GAB2: variants seen among roughly 807,000 people sequenced by gnomAD.
GAB2 encodes the protein GRB2-associated-binding protein 2.
In GAB2, 26 loss-of-function variants were observed where a neutral mutation model predicts 65.5. The observed-to-expected ratio is 0.40, with a 90% CI of 0.29 to 0.55. The LOEUF is 0.55. Ranked by LOEUF, GAB2 falls within the 20% of genes least tolerant of loss-of-function variation. The probability of loss-of-function intolerance (pLI) is 0.53; values close to 1 mark genes in which losing one functional copy is unlikely to be tolerated. For synonymous variants in GAB2, 321 were observed against 329.6 expected (o/e 0.97, Z 0.28); for missense variants, 884 against 875.8 (o/e 1.01, Z -0.12).
chr11:78,335,518 T>C (rs1027839904), intron 1 of GAB2, among the ~76,000 whole-genome samples: 11 of 152,234 alleles, frequency 7.2e-5, no homozygotes, highest in Non-Finnish European at 1.3e-4. Flanking sequence ...CAGTGTGTGT[T>C]CTTGGCAGCT....
chr11:78,297,935 G>A (rs1003377657), intron 1 of GAB2, among the ~76,000 whole-genome samples: 1 of 152,056 alleles, frequency 6.6e-6, no homozygotes, highest in Non-Finnish European at 1.5e-5. Flanking sequence ...GCTACCAATG[G>A]CTCCTTGTTG....
chr11:78,318,640 G>A (rs1307881970), intron 1 of GAB2, among the ~76,000 whole-genome samples: 1 of 152,100 alleles, frequency 6.6e-6, no homozygotes, highest in Non-Finnish European at 1.5e-5. Context: ...AGGCAGGAAT[G>A]GTACGCAAAC....
intron 1 of GAB2, among the ~76,000 whole-genome samples, chr11:78,292,611 G>A (rs1306628134): frequency 2.0e-5 from 3 of 152,192 alleles, no homozygotes; most frequent in African/African-American, 7.2e-5. Flanking sequence ...AAGCTACTAT[G>A]CCAGTCTCGT....
Position 78,350,793 on chromosome 11 carries a change from C to G in GAB2, c.75+66853G>C, listed in dbSNP as rs373501587. 3.9e-5 allele frequency among the ~76,000 whole-genome samples: 6 copies of G among 152,320 alleles called. No individual in the cohort carries two copies. The South Asian group carries it at 1.0e-3, about 26-fold the overall frequency. ...CTTCACACACGTTAAGAATTCACCA[C>G]AGGAACATGTGCTTTTGTGCTCATT... On this transcript the variant is annotated intron_variant, in intron 1 of 9. Coordinates refer to ENST00000361507, the MANE Select transcript of GAB2 (RefSeq NM_080491.3).
At chr11:78,398,852 C>A (rs377118083) in intron 1 of GAB2, among the ~76,000 whole-genome samples, 4 of 152,014 alleles carry the variant, frequency 2.6e-5, no homozygotes, top group Non-Finnish European at 5.9e-5. Context: ...TCTTGTCATA[C>A]CAGAGAACAA....
In GAB2 at chr11:78,336,078, C is replaced by T. The variant is rs899525823; in HGVS notation, c.76-55177G>A. Among the ~76,000 whole-genome samples, 9 of 151,752 alleles carry T rather than the reference C, an allele frequency of 5.9e-5. No individual in the cohort carries two copies. In the East Asian group the frequency reaches 7.7e-4, roughly 13 times the overall value. ...CCTGCAATCCCAGTACTTTGGGAGG[C>T]GGAGGGAGGCGGATCACTGGAAGCC... On this transcript the variant is annotated intron_variant, in intron 1 of 9. Coordinates refer to ENST00000361507, the MANE Select transcript of GAB2 (RefSeq NM_080491.3).
intron 1 of GAB2, among the ~76,000 whole-genome samples, chr11:78,329,045 C>A (rs1303548335): frequency 6.6e-6 from 1 of 152,028 alleles, no homozygotes; most frequent in African/African-American, 2.4e-5. Context: ...AAATAAGATG[C>A]ACAATGGGTG....
chr11:78,345,723 A>G (rs1856169411), intron 1 of GAB2, among the ~76,000 whole-genome samples: 1 of 152,182 alleles, frequency 6.6e-6, no homozygotes. Context: ...TTAGTAGGCA[A>G]AAAGGAGGCA....
intron 1 of GAB2, among the ~76,000 whole-genome samples, chr11:78,307,205 ACTACAACCT>A (rs1353250930): frequency 2.6e-5 from 4 of 152,156 alleles, no homozygotes; most frequent in Non-Finnish European, 5.9e-5. Context: ...GCTTATGAAC[ACTACAACCT>A]CTACAACCTC....
At chr11:78,379,696 T>C (rs953069169) in intron 1 of GAB2, among the ~76,000 whole-genome samples, 2 of 152,260 alleles carry the variant, frequency 1.3e-5, no homozygotes, top group East Asian at 3.9e-4. Context: ...GACACAGCTG[T>C]CATTGCCTGC....
intron 1 of GAB2, among the ~76,000 whole-genome samples, chr11:78,303,854 T>A (rs556842518): frequency 6.6e-6 from 1 of 152,318 alleles, no homozygotes; most frequent in Admixed American, 6.5e-5. Context: ...GATGAGCTGT[T>A]GCCAGTCCTC....
In GAB2 at chr11:78,314,474, G is replaced by A. The variant is rs959684958; in HGVS notation, c.76-33573C>T. 3.9e-5 allele frequency among the ~76,000 whole-genome samples: 6 copies of A among 152,142 alleles called. 1 individual carries two copies. The highest frequency in any genetic ancestry group is 8.8e-5 in the Non-Finnish European group (6 of 68,018). ...CATCTTGCCTGAAGTCAGTCCCCTAGGTTTAAGTCCCACCTTGATCTTCTG... is the reference window on the plus strand; with the variant it reads ...CATCTTGCCTGAAGTCAGTCCCCTAAGTTTAAGTCCCACCTTGATCTTCTG... On this transcript the variant is annotated intron_variant, in intron 1 of 9. Coordinates refer to ENST00000361507, the MANE Select transcript of GAB2 (RefSeq NM_080491.3).
chr11:78,282,784 A>G (rs910599784), intron 1 of GAB2, among the ~76,000 whole-genome samples: 2 of 111,442 alleles, frequency 1.8e-5, no homozygotes, highest in Middle Eastern at 6.3e-3. Context: ...GATTATCACA[A>G]TTCTTTAGAC....
chr11:78,403,857 C>A (rs1018380905), intron 1 of GAB2, among the ~76,000 whole-genome samples: 1 of 152,068 alleles, frequency 6.6e-6, no homozygotes, highest in South Asian at 2.1e-4. Context: ...GGATTAATAA[C>A]TAGAATATAT....
intron 1 of GAB2, among the ~76,000 whole-genome samples, chr11:78,350,935 C>T (rs962475282): frequency 1.4e-4 from 22 of 152,342 alleles, no homozygotes; most frequent in African/African-American, 5.1e-4. Context: ...ACACACAACC[C>T]GACAGGGGAA....
chr11:78,288,715 T>C (rs754915188), intron 1 of GAB2, among the ~76,000 whole-genome samples: 8 of 152,194 alleles, frequency 5.3e-5, no homozygotes, highest in Non-Finnish European at 1.2e-4. Flanking sequence ...CATACCATAT[T>C]CATGGATTGG....
At chr11:78,330,392 G>C (rs912567514) in intron 1 of GAB2, among the ~76,000 whole-genome samples, 6 of 152,194 alleles carry the variant, frequency 3.9e-5, no homozygotes, top group African/African-American at 1.2e-4. Context: ...GAAATACAAG[G>C]CTTTGCGTTT....
At chr11:78,282,034 GATT>G (rs1817009336) in intron 1 of GAB2, among the ~76,000 whole-genome samples, 1 of 152,114 alleles carries the variant, frequency 6.6e-6, no homozygotes, top group Non-Finnish European at 1.5e-5. Flanking sequence ...GTAACCTCAG[GATT>G]ATATTTCCTG....
chr11:78,376,984 G>A (rs377034835), intron 1 of GAB2, among the ~76,000 whole-genome samples: 4 of 152,200 alleles, frequency 2.6e-5, no homozygotes, highest in East Asian at 1.9e-4. Context: ...GGCACCTCCT[G>A]CCACCCCGAC....
Sources: gnomAD v4.1 joint callset for allele counts (sites outside exome capture counted in the v4.1 genomes callset) on GRCh38, gnomAD v4.1.1 for gene constraint, MANE v1.5 for transcripts, NCBI Gene and HGNC (gene_info 2026-07-23, HGNC 2026-07-21) for gene names.